Variants in NLRP1 observed in about 807,000 individuals in gnomAD.
NLRP1 encodes the protein NLR family pyrin domain containing 1.
A neutral mutation model predicts 136.7 loss-of-function variants in NLRP1; 94 were observed. The observed-to-expected ratio is 0.69, with a 90% CI of 0.58 to 0.82. The LOEUF (loss-of-function observed/expected upper bound fraction) is 0.82. Ranked by LOEUF, NLRP1 falls within the 40% of genes least tolerant of loss-of-function variation. NLRP1 has a pLI of 0.00. For synonymous variants in NLRP1, 690 were observed against 725.1 expected, an observed-to-expected ratio of 0.95 and a Z score of 0.78; for missense variants, 1,575 against 1,802.7, an observed-to-expected ratio of 0.87 and a Z score of 2.29.
At chr17:5,529,492 C>T (rs962136528) in intron 12 of NLRP1, among the ~76,000 whole-genome samples, 7 of 151,798 alleles carry the variant, frequency 4.6e-5, no homozygotes, top group African/African-American at 1.7e-4. Flanking sequence ...CTCAGCCTTC[C>T]GAGTAGCTGG....
At chr17:5,546,316 G>A (rs1362792531) in intron 5 of NLRP1, among the ~76,000 whole-genome samples, 2 of 152,200 alleles carry the variant, frequency 1.3e-5, no homozygotes, top group African/African-American at 4.8e-5. Context: ...CTTAAAGGAT[G>A]CTGCTGCTGT....
intron 12 of NLRP1, among the ~76,000 whole-genome samples, chr17:5,527,444 C>A (rs970539381): frequency 1.3e-5 from 2 of 152,030 alleles, no homozygotes; most frequent in African/African-American, 4.8e-5. Flanking sequence ...CTAGAGAAGG[C>A]TAGTGGGACA....
At chr17:5,577,587 C>T (rs1001305571) in intron 3 of NLRP1, among the ~76,000 whole-genome samples, 20 of 152,168 alleles carry the variant, frequency 1.3e-4, no homozygotes, top group Non-Finnish European at 2.1e-4. Flanking sequence ...GAACTACAAA[C>T]CACTGCTCAA....
At chr17:5,540,169 C>T (rs377579395) in intron 6 of NLRP1, among the ~76,000 whole-genome samples, 1 of 152,120 alleles carries the variant, frequency 6.6e-6, no homozygotes, top group Non-Finnish European at 1.5e-5. Flanking sequence ...TCATAATAGG[C>T]GATGGATAAA....
At chr17:5,555,630 T>G (rs1913954488) in intron 4 of NLRP1, among the ~76,000 whole-genome samples, 1 of 152,126 alleles carries the variant, frequency 6.6e-6, no homozygotes, top group African/African-American at 2.4e-5. Context: ...CCACTGCTAC[T>G]TGCAGTACCT....
chr17:5,545,619 C>T (rs1754046172), intron 5 of NLRP1, among the ~76,000 whole-genome samples: 1 of 152,158 alleles, frequency 6.6e-6, no homozygotes, highest in African/African-American at 2.4e-5. Context: ...GTGCACCAGG[C>T]CCTCGGTAAC....
In NLRP1 at chr17:5,558,614, C is replaced by A. The variant is rs144276097; in HGVS notation, c.2082G>T (p.Leu694=). ...ACTGCATCAGGTTCCTCCCCTGAGACAGCCGGCAGTGAAAGATGTTCTCCA... is the reference window on the plus strand; with the variant it reads ...ACTGCATCAGGTTCCTCCCCTGAGAAAGCCGGCAGTGAAAGATGTTCTCCA... The part of the protein sequence containing the change: ...REMENIFHCR[L]SQGRNLMQWV... Residue 694 remains leucine, a synonymous_variant, in exon 4 of 17, where the codon CTG becomes CTT. Coordinates refer to ENST00000572272, the MANE Select transcript of NLRP1 (RefSeq NM_033004.4). 3.1e-6 allele frequency: 5 copies of A among 1,614,024 alleles called. No individual in the cohort carries two copies. The Admixed American group carries it at 8.3e-5, about 27-fold the overall frequency.
rs564512552 is a variant in NLRP1, at chr17:5,533,893, C to T, written c.3052+4G>A. 3 of 1,602,592 alleles carry T rather than the reference C, an allele frequency of 1.9e-6. No homozygotes were observed. Among genetic ancestry groups the T allele is most frequent in the South Asian group, 2.2e-5 (2 of 89,858 alleles). ...ATGCTCCCAGCCTTGCCCCTTCAAACTACCTGATCCGAGTCTCTGCCGCTT... is the reference window on the plus strand; with the variant it reads ...ATGCTCCCAGCCTTGCCCCTTCAAATTACCTGATCCGAGTCTCTGCCGCTT... On this transcript the variant is annotated splice_donor_region_variant and intron_variant, in intron 9 of 16. Coordinates refer to ENST00000572272, the MANE Select transcript of NLRP1 (RefSeq NM_033004.4).
chr17:5,515,275 T>C (rs965492754), intron 16 of NLRP1, among the ~76,000 whole-genome samples, 198 bp downstream of exon 16: 3 of 152,174 alleles, frequency 2.0e-5, no homozygotes, highest in Non-Finnish European at 4.4e-5. Context: ...CATTGGAGGC[T>C]GTCAGATAAG....
At chr17:5,507,393 A>T (rs1044895484) in intron 15 of NLRP1, among the ~76,000 whole-genome samples, 6 of 152,230 alleles carry the variant, frequency 3.9e-5, no homozygotes, top group Non-Finnish European at 8.8e-5. Flanking sequence ...AAAACCAGCC[A>T]TTAAAGAATC....
chr17:5,536,432 C>T (rs1259274913), intron 8 of NLRP1, among the ~76,000 whole-genome samples: 1 of 150,198 alleles, frequency 6.7e-6, no homozygotes, highest in Non-Finnish European at 1.5e-5. Context: ...CAGGCGTGAG[C>T]CACCATGCCC....
intron 14 of NLRP1, 66 bp from the exon 15 acceptor site, chr17:5,517,953 C>A: frequency 6.4e-7 from 1 of 1,551,822 alleles, no homozygotes; most frequent in South Asian, 1.1e-5. Context: ...CCCCACCTGA[C>A]ACCTTCTTGG....
intron 15 of NLRP1, chr17:5,502,381 C>A: frequency 6.1e-6 from 1 of 163,128 alleles, no homozygotes; most frequent in South Asian, 1.6e-4. Context: ...CCTCTGCCTC[C>A]CAGGTTCAAG....
chr17:5,558,651 C>G lies in NLRP1; in HGVS notation c.2045G>C (p.Gly682Ala). Residue 682 changes from glycine to alanine, a missense_variant, in exon 4 of 17, where the codon GGG becomes GCG. By Grantham distance (60) the Gly-to-Ala change is moderately conservative (BLOSUM62 0). Transcript: ENST00000572272. ...RFLLGLLSDE[G>A]EREMENIFHC... ...AAAGATGTTCTCCATCTCTCTCTCC[C>G]CCTCATCACTTAACAGGCCCAATAG... 1.2e-6 allele frequency: 2 copies of G among 1,614,142 alleles called. No individual in the cohort carries two copies. Among genetic ancestry groups the G allele is most frequent in the South Asian group, 1.1e-5 (1 of 91,082 alleles).
chr17:5,530,513 G>T lies in NLRP1; in HGVS notation c.3488C>A (p.Ala1163Asp). The T allele has an allele frequency of 6.2e-7, 1 of 1,614,158 alleles. No homozygotes were observed. The highest frequency in any genetic ancestry group is 8.5e-7 in the Non-Finnish European group (1 of 1,180,024). Residue 1163 changes from alanine (A) to aspartate (D), a missense_variant, in exon 12 of 17, where the codon GCT becomes GAT. Transcript: ENST00000572272. ...AGCCACAAAGTGAGGGAGGTGCACA[G>T]CTTCCACAGCTCCAGGCTCAGCCTT... is the stretch of plus-strand genomic sequence containing the variant. ...DIKAEPGAVE[A>D]VHLPHFVALQ...
In NLRP1 at chr17:5,541,753, A is replaced by G; in HGVS notation, c.2699+104T>C. 8.6e-7 allele frequency: 1 copy of G among 1,163,746 alleles called. No homozygotes were observed. Among genetic ancestry groups the G allele is most frequent in the South Asian group, 1.4e-5 (1 of 73,920 alleles). 72.1% of individuals were successfully genotyped at this position (1,163,746 alleles called of 1,614,324 possible). A position where few individuals can be genotyped will look rare whatever the true frequency, so the allele number is the denominator to read the frequency against. ...GGCTGAGATCCTGTAGGCTCCTCCC[A>G]CTCCCACAAAGCAGGTCTCACCTTC... On this transcript the variant is annotated intron_variant, in intron 6 of 16. Coordinates refer to ENST00000572272, the MANE Select transcript of NLRP1 (RefSeq NM_033004.4). This position sits in a 1 kb window ranked among gnomAD's most constrained non-coding sequence, Gnocchi z 4.2.
At chr17:5,515,852 A>G (rs74884096) in intron 15 of NLRP1, among the ~76,000 whole-genome samples, 8,949 of 152,168 alleles carry the variant, frequency 0.059, 352 homozygotes, top group South Asian at 0.19. Context: ...GAACTAACCA[A>G]ACCCCTTGCT....
At chr17:5,556,161 C>CACACACATAT (rs908575596) in intron 4 of NLRP1, among the ~76,000 whole-genome samples, 34 of 118,408 alleles carry the variant, frequency 2.9e-4, no homozygotes, top group African/African-American at 1.0e-3. Context: ...CACACACACA[C>CACACACATAT]ATGAAGGGCT....
rs1458876104 is a variant in NLRP1 at position 5,583,977 on chromosome 17, G to A, written c.-20C>T. The stretch of plus-strand genomic sequence containing the variant: ...AGCCATCTCTGTCCCGGAGTTAAGA[G>A]GGTGTCTGGGGGATGTTCCCAGGTG... On this transcript the variant is annotated 5_prime_UTR_variant, in exon 1 of 17. Coordinates refer to ENST00000572272, the MANE Select transcript of NLRP1 (RefSeq NM_033004.4). The surrounding 1 kb of genome is among the most constrained non-coding windows in gnomAD (Gnocchi z 4.5). 1 of 1,600,922 alleles carries A rather than the reference G, an allele frequency of 6.2e-7. No homozygotes were observed. The highest frequency in any genetic ancestry group is 8.5e-7 in the Non-Finnish European group (1 of 1,173,120).
Sources: gnomAD v4.1 joint callset for allele counts (sites outside exome capture counted in the v4.1 genomes callset) on GRCh38, gnomAD v4.1.1 for gene constraint, Gnocchi (gnomAD v3.1) non-coding constraint, MANE v1.5 for transcripts, NCBI Gene and HGNC (gene_info 2026-07-23, HGNC 2026-07-21) for gene names.